The following ABCA8 variants were observed in gnomAD, a reference collection of about 807,000 sequenced individuals.
ABCA8 encodes the protein ABC-type organic anion transporter ABCA8.
A neutral mutation model predicts 192.3 loss-of-function variants in ABCA8; 177 were observed. The ratio of observed to expected loss-of-function variants is 0.92; its 90% CI spans 0.81 to 1.04. The LOEUF (loss-of-function observed/expected upper bound fraction) is 1.04, where lower values mean the gene tolerates loss of function less well. Among genes scored for constraint, ABCA8 ranks in the 50% least tolerant of loss-of-function variants. The probability of loss-of-function intolerance (pLI) is 0.00; values close to 1 mark genes in which losing one functional copy is unlikely to be tolerated. For synonymous variants in ABCA8, 642 were observed against 690.2 expected, an observed-to-expected ratio of 0.93 and a Z score of 1.09; for missense variants, 1,915 against 1,904.8, an observed-to-expected ratio of 1.01 and a Z score of -0.10.
At position 68,929,107 on chromosome 17, in the gene ABCA8, G is replaced by C; in HGVS notation, c.1067C>G (p.Ser356Cys). ...AAGCAAGCTTAAAATCCACTCCAAG[G>C]ATGCAGGAAGGTGTCTGTACAGTGA... ...FTSLYRHLPASLEWILSLLSP... is the reference protein window; with the variant it reads ...FTSLYRHLPACLEWILSLLSP... The change falls in exon 9 of 40, where the codon TCC (serine) becomes TGC (cysteine). Residue 356 changes from serine (S) to cysteine (C), a missense_variant. Ser to Cys is a moderately radical substitution (Grantham distance 112). Transcript: ENST00000586539. The C allele has an allele frequency of 6.2e-7, 1 of 1,602,656 alleles. No homozygotes were observed. The highest frequency in any genetic ancestry group is 8.5e-7 in the Non-Finnish European group (1 of 1,173,800).
intron 10 of ABCA8, among the ~76,000 whole-genome samples, chr17:68,927,203 A>G (rs2067725567): frequency 6.6e-6 from 1 of 152,112 alleles, no homozygotes; most frequent in Non-Finnish European, 1.5e-5. Flanking sequence ...GGTTTCAGTG[A>G]GCCGAGATTG....
At chr17:68,898,204 A>G (rs11651365) in intron 21 of ABCA8, among the ~76,000 whole-genome samples, 63,983 of 152,000 alleles carry the variant, frequency 0.42, 14,057 homozygotes, top group East Asian at 0.56. Context: ...AATTCAGCCA[A>G]GTATTTTATA....
At chr17:68,868,245 G>A in intron 39 of ABCA8, 56 bp downstream of exon 39, 1 of 1,606,918 alleles carries the variant, frequency 6.2e-7, no homozygotes, top group Non-Finnish European at 8.5e-7. Context: ...GCAGCTCCCA[G>A]GGAATGTTTT....
chr17:68,935,112 T>C (rs995691367), intron 5 of ABCA8, among the ~76,000 whole-genome samples: 2 of 147,812 alleles, frequency 1.4e-5, no homozygotes, highest in African/African-American at 5.1e-5. Flanking sequence ...AGAGATGGAG[T>C]CTCACTCTGT....
At chr17:68,893,696 T>G (rs2066670736) in intron 23 of ABCA8, among the ~76,000 whole-genome samples, 1 of 151,122 alleles carries the variant, frequency 6.6e-6, no homozygotes, top group African/African-American at 2.4e-5. Context: ...TGCTGTAAGA[T>G]TTCATTTTTA....
intron 21 of ABCA8, among the ~76,000 whole-genome samples, chr17:68,900,245 A>C (rs1230736517): frequency 2.6e-5 from 4 of 152,054 alleles, no homozygotes; most frequent in Non-Finnish European, 5.9e-5. Context: ...AAAATTACTA[A>C]GATCAGGAAC....
rs1007657796 is a variant in ABCA8 at position 68,920,954 on chromosome 17, T to C, written c.1612+428A>G. Among the ~76,000 whole-genome samples, 10 of 152,274 alleles carry C rather than the reference T, an allele frequency of 6.6e-5. No individual in the cohort carries two copies. In the South Asian group the frequency reaches 2.1e-3, roughly 32 times the overall value. On this transcript the variant is annotated intron_variant, in intron 13 of 39. Transcript: ENST00000586539. ...AGCAAAGACTTGGAACCAAGCCAAA[T>C]GTCCCTCAATGATAGACTGGATTAA...
chr17:68,889,901 G>T (rs1331752875), intron 24 of ABCA8, among the ~76,000 whole-genome samples: 1 of 152,092 alleles, frequency 6.6e-6, no homozygotes, highest in Non-Finnish European at 1.5e-5. Flanking sequence ...TTATACTGCT[G>T]AATAGTATTC....
chr17:68,887,088 T>A lies in ABCA8; in HGVS notation c.3358A>T (p.Thr1120Ser), dbSNP rs761890191. The A allele has an allele frequency of 6.2e-7, 1 of 1,612,568 alleles. No homozygotes were observed. Among genetic ancestry groups the A allele is most frequent in the Non-Finnish European group, 8.5e-7 (1 of 1,179,436 alleles). Residue 1120 changes from threonine to serine, a missense_variant, in exon 26 of 40, where the codon ACA becomes TCA. By Grantham distance (58) the Thr-to-Ser change is moderately conservative. Transcript: ENST00000586539. ...CGAAAGATGAAGGAAATCACGTATGTCATGAAGATGAGGGAAAAGGAATAA... is the reference window on the plus strand; with the variant it reads ...CGAAAGATGAAGGAAATCACGTATGACATGAAGATGAGGGAAAAGGAATAA... The part of the protein sequence containing the change: ...VGYSFSLIFM[T>S]YVISFIFRKG...
At chr17:68,952,364 G>A (rs1412732514) in intron 1 of ABCA8, among the ~76,000 whole-genome samples, 5 of 151,916 alleles carry the variant, frequency 3.3e-5, no homozygotes, top group African/African-American at 9.7e-5. Context: ...GATTACAAGC[G>A]CCCGCCACCA....
At chr17:68,938,183 T>C (rs752575088) in intron 4 of ABCA8, among the ~76,000 whole-genome samples, 30 of 152,054 alleles carry the variant, frequency 2.0e-4, no homozygotes, top group Non-Finnish European at 4.0e-4. Flanking sequence ...AGATGCACAA[T>C]ATAGGCATTA....
At chr17:68,926,161 AAAAAGATGGAATATATCAC>A (rs962687539) in intron 10 of ABCA8, among the ~76,000 whole-genome samples, 18 of 152,316 alleles carry the variant, frequency 1.2e-4, no homozygotes, top group African/African-American at 4.1e-4. Context: ...CAAGGACTAA[AAAAAGATGGAATATATCAC>A]ATAGTGCACA....
chr17:68,890,374 C>G (rs2066594223), intron 24 of ABCA8, among the ~76,000 whole-genome samples: 5 of 152,036 alleles, frequency 3.3e-5, no homozygotes. Flanking sequence ...AATACTTTGT[C>G]CATTTAAAAA....
At chr17:68,952,404 G>A (rs2068592110) in intron 1 of ABCA8, among the ~76,000 whole-genome samples, 1 of 152,158 alleles carries the variant, frequency 6.6e-6, no homozygotes, top group South Asian at 2.1e-4. Context: ...GTTTTTAGTA[G>A]AGATGGGGTT....
intron 2 of ABCA8, 145 bp from the exon 3 acceptor site, chr17:68,942,184 G>T: frequency 3.3e-6 from 2 of 614,010 alleles, no homozygotes; most frequent in South Asian, 4.2e-5. Flanking sequence ...AGTCAGCATT[G>T]TATTACTCCC....
intron 2 of ABCA8, among the ~76,000 whole-genome samples, chr17:68,946,456 T>C (rs184228834): frequency 6.6e-5 from 10 of 152,308 alleles, no homozygotes; most frequent in African/African-American, 2.4e-4. Flanking sequence ...GTCAATGGAA[T>C]ATATGCAGAA....
Position 68,932,319 on chromosome 17 carries a change from T to C in ABCA8, c.766A>G (p.Thr256Ala), listed in dbSNP as rs16973446. ...RERKRMKALMTMMGLRDSAFW... is the reference protein window; with the variant it reads ...RERKRMKALMAMMGLRDSAFW... ...GCTGAATCCCGAAGACCCATCATTG[T>C]CATCAAGGCCTTCATCCTTTTCCTC... Residue 256 changes from threonine (T) to alanine (A), a missense_variant, in exon 7 of 40, where the codon ACA becomes GCA. By Grantham distance (58) the Thr-to-Ala change is moderately conservative (BLOSUM62 0). Coordinates refer to ENST00000586539, the MANE Select transcript of ABCA8 (RefSeq NM_001288985.2). 21,730 of 1,613,416 alleles carry C rather than the reference T, an allele frequency of 0.013. 2,212 individuals are homozygous for C. In the African/African-American group the frequency reaches 0.24, roughly 18 times the overall value.
intron 21 of ABCA8, among the ~76,000 whole-genome samples, chr17:68,901,852 T>C (rs2066922441): frequency 6.7e-6 from 1 of 149,358 alleles, no homozygotes; most frequent in African/African-American, 2.5e-5. Context: ...GGTGTGAATA[T>C]AAAGTGGTAC....
chr17:68,943,462 T>C (rs532980967), intron 2 of ABCA8, among the ~76,000 whole-genome samples: 3 of 152,356 alleles, frequency 2.0e-5, no homozygotes, highest in African/African-American at 7.2e-5. Flanking sequence ...TATAACCATA[T>C]TGCCATTCTC....
Sources: allele counts gnomAD v4.1 joint callset (sites outside exome capture counted in the v4.1 genomes callset), GRCh38; gene constraint gnomAD v4.1.1; transcripts MANE v1.5; gene names NCBI Gene and HGNC (gene_info 2026-07-23, HGNC 2026-07-21).